SSBP2: variants seen among roughly 807,000 people sequenced by gnomAD.
SSBP2 encodes single stranded DNA binding protein 2, also known as single-stranded DNA-binding protein 2.
SSBP2 carries 17 observed loss-of-function variants against 61.8 expected under a neutral mutation model. The observed-to-expected ratio is 0.28, with a 90% CI of 0.19 to 0.41. SSBP2 has a LOEUF of 0.41. SSBP2 is among the 10% of genes least tolerant of loss of function. SSBP2 has a pLI of 1.00. For synonymous variants in SSBP2, 139 were observed against 141.3 expected, an observed-to-expected ratio of 0.98 and a Z score of 0.12; for missense variants, 310 against 458.7, an observed-to-expected ratio of 0.68 and a Z score of 2.96.
At chr5:81,655,969 C>T (rs1750171072) in intron 1 of SSBP2, among the ~76,000 whole-genome samples, 1 of 152,194 alleles carries the variant, frequency 6.6e-6, no homozygotes, top group Non-Finnish European at 1.5e-5. Flanking sequence ...GAGGACCCCA[C>T]TTACTCTTTA....
chr5:81,750,674 A>C, intron 1 of SSBP2: 9 of 364,786 alleles, frequency 2.5e-5, no homozygotes, highest in East Asian at 1.2e-4. Context: ...TGGAAGGTGA[A>C]CCCGCGGGTT....
At chr5:81,466,914 A>AT in intron 9 of SSBP2, 60 bp downstream of exon 9, 1 of 1,034,286 alleles carries the variant, frequency 9.7e-7, no homozygotes, top group Non-Finnish European at 1.4e-6. Flanking sequence ...ATATGGTATT[A>AT]TTTATATATA....
At chr5:81,750,895 T>C in intron 1 of SSBP2, 86 bp downstream of exon 1, 2 of 1,356,786 alleles carry the variant, frequency 1.5e-6, no homozygotes, top group South Asian at 2.6e-5. Context: ...GGGCGGAGAG[T>C]GTCTGTGTCT....
chr5:81,624,561 G>C (rs1746946110), intron 3 of SSBP2, among the ~76,000 whole-genome samples: 1 of 152,122 alleles, frequency 6.6e-6, no homozygotes, highest in East Asian at 1.9e-4. Context: ...AAAAGTTTTA[G>C]ATTTTGGATC....
chr5:81,680,389 A>G (rs1390000012), intron 1 of SSBP2, among the ~76,000 whole-genome samples: 1 of 149,494 alleles, frequency 6.7e-6, no homozygotes, highest in African/African-American at 2.4e-5. Context: ...CATAATCTAT[A>G]GGTTCTGTTT....
chr5:81,679,961 A>G lies in SSBP2; in HGVS notation c.63-29622T>C, dbSNP rs560532735. On this transcript the variant is annotated intron_variant, in intron 1 of 16. Transcript: ENST00000320672. Reference sequence around the variant, plus strand: ...CTCAATAGAATAAAAAGGTGGAAAAAAAAAAAAAAAGCAAATTTTCTCTCT... The same window carrying G: ...CTCAATAGAATAAAAAGGTGGAAAAGAAAAAAAAAAGCAAATTTTCTCTCT... Among the ~76,000 whole-genome samples the G allele has an allele frequency of 2.2e-3, 339 of 152,014 alleles. 3 individuals carry two copies. Among genetic ancestry groups the G allele is most frequent in the African/African-American group, 7.8e-3 (324 of 41,492 alleles).
intron 14 of SSBP2, among the ~76,000 whole-genome samples, chr5:81,439,371 T>C (rs775850340): frequency 1.3e-5 from 2 of 152,186 alleles, no homozygotes; most frequent in African/African-American, 2.4e-5. Flanking sequence ...CAAATATAAC[T>C]ATAGTATGTG....
At chr5:81,520,111 A>G (rs1395506104) in intron 4 of SSBP2, among the ~76,000 whole-genome samples, 3 of 151,814 alleles carry the variant, frequency 2.0e-5, no homozygotes, top group African/African-American at 4.8e-5. Flanking sequence ...CGGCCTCCCA[A>G]TTAGCTGGGA....
At chr5:81,436,415 G>A (rs959149787) in intron 15 of SSBP2, among the ~76,000 whole-genome samples, 1 of 151,880 alleles carries the variant, frequency 6.6e-6, no homozygotes, top group Non-Finnish European at 1.5e-5. Context: ...AAACATGATT[G>A]TTTCTAAATA....
At chr5:81,685,651 G>A (rs1456718345) in intron 1 of SSBP2, among the ~76,000 whole-genome samples, 3 of 152,070 alleles carry the variant, frequency 2.0e-5, no homozygotes, top group Non-Finnish European at 2.9e-5. Flanking sequence ...TTGTTCTTGC[G>A]GTAGGAAGCA....
chr5:81,504,758 C>A (rs888058323), intron 5 of SSBP2, among the ~76,000 whole-genome samples: 3 of 152,084 alleles, frequency 2.0e-5, no homozygotes, highest in African/African-American at 4.8e-5. Flanking sequence ...AGACTAAGTT[C>A]TATGAAGACA....
At chr5:81,636,814 A>G (rs140065362) in intron 2 of SSBP2, among the ~76,000 whole-genome samples, 196 bp from the exon 3 acceptor site, 1 of 152,336 alleles carries the variant, frequency 6.6e-6, no homozygotes, top group East Asian at 1.9e-4. Flanking sequence ...GAGAGATGTC[A>G]CCACTATTTT....
At chr5:81,603,227 G>A (rs1744551861) in intron 4 of SSBP2, among the ~76,000 whole-genome samples, 1 of 152,184 alleles carries the variant, frequency 6.6e-6, no homozygotes, top group Non-Finnish European at 1.5e-5. Flanking sequence ...AAACTGCCAG[G>A]GGTTTCTCCA....
At chr5:81,618,163 G>A in intron 3 of SSBP2, among the ~76,000 whole-genome samples, 1 of 84,808 alleles carries the variant, frequency 1.2e-5, no homozygotes, top group African/African-American at 4.0e-5. Flanking sequence ...CTGGCAAGTT[G>A]GATAAAGAGT....
chr5:81,688,562 C>A (rs1315322668), intron 1 of SSBP2, among the ~76,000 whole-genome samples: 1 of 152,204 alleles, frequency 6.6e-6, no homozygotes, highest in African/African-American at 2.4e-5. Context: ...CACCTCAGCA[C>A]AGACAGAAAG....
chr5:81,445,883 TTG>T (rs1454563242), intron 12 of SSBP2, among the ~76,000 whole-genome samples: 1 of 152,190 alleles, frequency 6.6e-6, no homozygotes, highest in Non-Finnish European at 1.5e-5. Flanking sequence ...CTTTCTAGAT[TTG>T]TGTTACGGTT....
chr5:81,639,204 A>G (rs1010884269), intron 2 of SSBP2, among the ~76,000 whole-genome samples: 5 of 152,242 alleles, frequency 3.3e-5, no homozygotes, highest in African/African-American at 1.2e-4. Context: ...AGAAGAAGAC[A>G]TAAGTCTCTC....
rs569619453 is a variant in SSBP2, at chr5:81,722,994, GTAAT to G, written c.62+27983_62+27986del. Among the ~76,000 whole-genome samples the G allele has an allele frequency of 8.7e-3, 1,315 of 152,012 alleles. 16 individuals are homozygous for G. Among genetic ancestry groups the G allele is most frequent in the African/African-American group, 0.029 (1,219 of 41,514 alleles). On this transcript the variant is annotated intron_variant, in intron 1 of 16. Transcript: ENST00000320672. ...TACCAGTATCTATTAACATGATACT[GTAAT>G]TATTTATACATATATTCTCCATGTG... is the stretch of plus-strand genomic sequence containing the variant.
At chr5:81,515,776 T>G (rs903052254) in intron 4 of SSBP2, among the ~76,000 whole-genome samples, 3 of 151,802 alleles carry the variant, frequency 2.0e-5, no homozygotes, top group Non-Finnish European at 4.4e-5. Flanking sequence ...TTATATATGT[T>G]TCCTGGGTTT....
Sources: gnomAD v4.1 joint callset for allele counts (sites outside exome capture counted in the v4.1 genomes callset) on GRCh38, gnomAD v4.1.1 for gene constraint, MANE v1.5 for transcripts, NCBI Gene and HGNC (gene_info 2026-07-23, HGNC 2026-07-21) for gene names.